RIPOR2: variants seen among roughly 807,000 people sequenced by gnomAD.
RIPOR2 encodes the protein rho family-interacting cell polarization regulator 2.
In RIPOR2, 39 loss-of-function variants were observed where a neutral mutation model predicts 114.5. The ratio of observed to expected loss-of-function variants is 0.34; its 90% confidence interval spans 0.26 to 0.44. RIPOR2 has a LOEUF of 0.44. RIPOR2 is among the 20% of genes least tolerant of loss of function. The pLI, the probability that RIPOR2 is intolerant of heterozygous loss-of-function variation, is 1.00. For missense variants in RIPOR2, 1,007 were observed against 1,255.1 expected, an observed-to-expected ratio of 0.80 and a Z score of 2.99; for synonymous variants, 445 against 484.4, an observed-to-expected ratio of 0.92 and a Z score of 1.07.
intron 1 of RIPOR2, among the ~76,000 whole-genome samples, chr6:24,923,576 G>A (rs1455805871): frequency 6.6e-6 from 1 of 152,036 alleles, no homozygotes; most frequent in Non-Finnish European, 1.5e-5. Context: ...TGGGCGCGGC[G>A]GCTCACTCCT....
At chr6:24,965,453 T>C (rs1418794903) in intron 1 of RIPOR2, among the ~76,000 whole-genome samples, 1 of 152,212 alleles carries the variant, frequency 6.6e-6, no homozygotes. Context: ...TTAATTCTGT[T>C]ACTTTATTTT....
chr6:24,986,261 A>G (rs527534874), intron 1 of RIPOR2, among the ~76,000 whole-genome samples: 1 of 152,328 alleles, frequency 6.6e-6, no homozygotes, highest in East Asian at 1.9e-4. Flanking sequence ...CAGAGTGGCT[A>G]AGTAACTTGC....
chr6:25,040,674 C>A (rs1169485891), intron 1 of RIPOR2, among the ~76,000 whole-genome samples: 1 of 149,860 alleles, frequency 6.7e-6, no homozygotes, highest in African/African-American at 2.5e-5. Flanking sequence ...CTCACCGCAA[C>A]CTCCACCTCC....
At chr6:24,927,182 T>TCACCACAACTACA (rs1350897331) in intron 1 of RIPOR2, among the ~76,000 whole-genome samples, 1 of 3,232 alleles carries the variant, frequency 3.1e-4, no homozygotes, top group Non-Finnish European at 5.2e-4. Flanking sequence ...ACCACCACCA[T>TCACCACAACTACA]GACCACCACC....
intron 21 of RIPOR2, 61 bp downstream of exon 21, chr6:24,809,656 G>C (rs1392730167): frequency 1.8e-6 from 2 of 1,132,576 alleles, no homozygotes; most frequent in African/African-American, 3.1e-5. Context: ...ATCTAAATGG[G>C]AACATCCGTT....
At chr6:24,880,478 T>C (rs1411626934) in intron 1 of RIPOR2, among the ~76,000 whole-genome samples, 1 of 152,180 alleles carries the variant, frequency 6.6e-6, no homozygotes, top group Non-Finnish European at 1.5e-5. Context: ...TCAGAAACAT[T>C]TTAATCTTTT....
chr6:24,947,646 G>GT (rs1772495023), intron 1 of RIPOR2, among the ~76,000 whole-genome samples: 1 of 151,742 alleles, frequency 6.6e-6, no homozygotes, highest in Non-Finnish European at 1.5e-5. Flanking sequence ...AGTTTAATTA[G>GT]CAGCCTTGAT....
chr6:25,039,809 G>A (rs998166075), intron 1 of RIPOR2, among the ~76,000 whole-genome samples: 37 of 152,138 alleles, frequency 2.4e-4, no homozygotes, highest in African/African-American at 7.0e-4. Flanking sequence ...TAAGGTACGC[G>A]CAAGTAAAAG....
chr6:25,035,530 G>A (rs970474022), intron 1 of RIPOR2, among the ~76,000 whole-genome samples: 3 of 152,154 alleles, frequency 2.0e-5, no homozygotes, highest in South Asian at 2.1e-4. Context: ...GCAGCAACAC[G>A]GTTTCTGCTG....
intron 1 of RIPOR2, among the ~76,000 whole-genome samples, chr6:24,987,858 C>T (rs981401293): frequency 2.0e-5 from 3 of 152,174 alleles, no homozygotes; most frequent in African/African-American, 7.2e-5. Flanking sequence ...ACTGATAATG[C>T]CGATAATAAA....
At chr6:25,035,870 G>C (rs557794687) in intron 1 of RIPOR2, among the ~76,000 whole-genome samples, 1 of 152,290 alleles carries the variant, frequency 6.6e-6, no homozygotes, top group East Asian at 1.9e-4. Context: ...CTTGCCTTCA[G>C]GTTCTCATCT....
intron 19 of RIPOR2, among the ~76,000 whole-genome samples, chr6:24,823,248 C>A (rs1408291809): frequency 6.6e-6 from 1 of 152,132 alleles, no homozygotes. Context: ...AATGTAATAA[C>A]TTTTGCTATT....
At chr6:24,886,837 C>T (rs1259151390) in intron 1 of RIPOR2, among the ~76,000 whole-genome samples, 6 of 152,196 alleles carry the variant, frequency 3.9e-5, no homozygotes, top group African/African-American at 1.4e-4. Flanking sequence ...TACCTTGAGG[C>T]TATGCAAATA....
chr6:25,029,292 C>T (rs893854045), intron 1 of RIPOR2, among the ~76,000 whole-genome samples: 2 of 150,346 alleles, frequency 1.3e-5, no homozygotes, highest in South Asian at 2.1e-4. Flanking sequence ...ATCCCAGCTA[C>T]TTGGGAGGCT....
In RIPOR2 at chr6:24,840,496, C is replaced by T. The variant is rs1010646502; in HGVS notation, c.1858-1224G>A. The T allele has an allele frequency of 2.2e-6, 3 of 1,391,414 alleles. No homozygotes were observed. The East Asian group carries it at 8.2e-5, about 38-fold the overall frequency. The allele number at this position is 1,391,414 out of a possible 1,614,324, so 86.2% of individuals were successfully genotyped here. On this transcript the variant is annotated intron_variant, in intron 13 of 21. Transcript: ENST00000643898. ...GCACAGAGTTGGAGAGAAGTATTTC[C>T]AAATATTCAAGAGGATGCTGGGGTG...
intron 1 of RIPOR2, among the ~76,000 whole-genome samples, chr6:25,019,341 A>G (rs1776177863): frequency 1.3e-5 from 2 of 152,364 alleles, no homozygotes; most frequent in South Asian, 2.1e-4. Flanking sequence ...ATTTAGCAAT[A>G]TGTATTAGGA....
intron 1 of RIPOR2, among the ~76,000 whole-genome samples, chr6:24,914,254 TC>T (rs1460084667): frequency 6.6e-6 from 1 of 152,132 alleles, no homozygotes; most frequent in Non-Finnish European, 1.5e-5. Flanking sequence ...GAGGATCACT[TC>T]AACCCAAGAG....
At chr6:24,892,671 A>G (rs1425867072) in intron 1 of RIPOR2, among the ~76,000 whole-genome samples, 1 of 152,198 alleles carries the variant, frequency 6.6e-6, no homozygotes, top group African/African-American at 2.4e-5. Context: ...GGAGAAATAA[A>G]GCAGGCAACA....
At chr6:24,963,031 GTGTTTTTTTGTTTT>G (rs981733013) in intron 1 of RIPOR2, among the ~76,000 whole-genome samples, 3 of 151,884 alleles carry the variant, frequency 2.0e-5, no homozygotes, top group African/African-American at 7.3e-5. Context: ...GAGAATGCAT[GTGTTTTTTTGTTTT>G]TGTTTTTTTG....
Sources: gnomAD v4.1 joint callset for allele counts (sites outside exome capture counted in the v4.1 genomes callset) on GRCh38, gnomAD v4.1.1 for gene constraint, MANE v1.5 for transcripts, NCBI Gene and HGNC (gene_info 2026-07-23, HGNC 2026-07-21) for gene names.